The following ADCK2 variants were observed in gnomAD, a reference collection of about 807,000 sequenced individuals.
The protein encoded by ADCK2 is aarF domain containing kinase 2.
A neutral mutation model predicts 52.3 loss-of-function variants in ADCK2; 37 were observed. The ratio of observed to expected loss-of-function variants is 0.71; its 90% CI spans 0.54 to 0.93. The LOEUF (loss-of-function observed/expected upper bound fraction) is 0.93, where lower values mean the gene tolerates loss of function less well. ADCK2 is among the 40% of genes least tolerant of loss of function. The pLI is 0.00. For synonymous variants in ADCK2, 321 were observed against 349.2 expected (o/e 0.92, Z 0.90); for missense variants, 695 against 798.7 (o/e 0.87, Z 1.56).
intron 2 of ADCK2, among the ~76,000 whole-genome samples, chr7:140,676,963 C>T (rs1323407455): frequency 1.3e-5 from 2 of 152,014 alleles, no homozygotes; most frequent in Admixed American, 1.3e-4. Context: ...GCAGAGTTTA[C>T]AGTGAACCAT....
rs190000977 is a variant in ADCK2 at position 140,691,678 on chromosome 7, A to T, written c.1740+865A>T. Among the ~76,000 whole-genome samples the T allele has an allele frequency of 3.6e-4, 55 of 152,358 alleles. 1 individual carries two copies. In the East Asian group the frequency reaches 9.8e-3, roughly 27 times the overall value. ...TAAACTAAGGCTGCTGGCCAGGGAC[A>T]AGCAGTGTTGAAGGTGGAGAAGGGA... On this transcript the variant is annotated intron_variant, in intron 7 of 7. Coordinates refer to ENST00000072869, the MANE Select transcript of ADCK2 (RefSeq NM_052853.4).
chr7:140,679,662 C>CTTTTTTTTTTT (rs57302302), intron 3 of ADCK2, among the ~76,000 whole-genome samples: 1 of 75,314 alleles, frequency 1.3e-5, no homozygotes, highest in African/African-American at 4.6e-5. Flanking sequence ...CCTTCTCTCT[C>CTTTTTTTTTTT]TTTTTTTTTT....
chr7:140,691,466 TC>T (rs1160099371), intron 7 of ADCK2, among the ~76,000 whole-genome samples: 1 of 152,194 alleles, frequency 6.6e-6, no homozygotes, highest in Non-Finnish European at 1.5e-5. Flanking sequence ...TGGAATGAAG[TC>T]CTGGGGTCCA....
intron 7 of ADCK2, among the ~76,000 whole-genome samples, chr7:140,692,162 G>A (rs1218104212): frequency 6.6e-6 from 1 of 152,202 alleles, no homozygotes; most frequent in African/African-American, 2.4e-5. Context: ...TGGCAGAGCT[G>A]AAACTCTACA....
Position 140,673,244 on chromosome 7 carries a change from G to T in ADCK2, c.-87G>T. The T allele has an allele frequency of 8.2e-7, 1 of 1,219,362 alleles. No individual in the cohort carries two copies. Among genetic ancestry groups the T allele is most frequent in the South Asian group, 1.9e-5 (1 of 52,808 alleles). The allele number at this position is 1,219,362 out of a possible 1,614,324, so 75.5% of individuals were successfully genotyped here. On this transcript the variant is annotated 5_prime_UTR_variant, in exon 1 of 8. Coordinates refer to ENST00000072869, the MANE Select transcript of ADCK2 (RefSeq NM_052853.4). The surrounding 1 kb of genome is among the most constrained non-coding windows in gnomAD (Gnocchi z 6.4). Reference sequence around the variant, plus strand: ...TGGGCAGCTCCGTCCGCGGGGTCAGGGCCGGGCTTCGGCTTCACCGCAGCC... The same window carrying T: ...TGGGCAGCTCCGTCCGCGGGGTCAGTGCCGGGCTTCGGCTTCACCGCAGCC...
At chr7:140,685,615 T>TC (rs1794591913) in intron 4 of ADCK2, among the ~76,000 whole-genome samples, 1 of 152,092 alleles carries the variant, frequency 6.6e-6, no homozygotes, top group South Asian at 2.1e-4. Flanking sequence ...GCTTCCCTTA[T>TC]CCCTACCAAA....
At position 140,690,802 on chromosome 7, in the gene ADCK2, A is replaced by G; in HGVS notation, c.1729A>G (p.Met577Val). ...TCTCTCTAGTGTCTTTAAGTTGCTGATGACTCACAAGGTGAGGGCCATTCA... is the reference window on the plus strand; with the variant it reads ...TCTCTCTAGTGTCTTTAAGTTGCTGGTGACTCACAAGGTGAGGGCCATTCA... ...SLLSSVFKLL[M>V]THKVKLESNF... Residue 577 changes from methionine to valine, a missense_variant, in exon 7 of 8, where the codon ATG (methionine) becomes GTG (valine). Met to Val is a conservative substitution (Grantham distance 21, BLOSUM62 1). Transcript: ENST00000072869. 6.2e-7 allele frequency: 1 copy of G among 1,613,486 alleles called. No homozygotes were observed. Among genetic ancestry groups the G allele is most frequent in the Middle Eastern group, 1.7e-4 (1 of 6,056 alleles).
chr7:140,674,735 T>G lies in ADCK2; in HGVS notation c.1058T>G (p.Phe353Cys), dbSNP rs770327818. Residue 353 changes from phenylalanine (F) to cysteine (C), a missense_variant, in exon 2 of 8, where the codon TTT becomes TGT. Phe to Cys is a radical substitution (Grantham distance 205, BLOSUM62 -2). Coordinates refer to ENST00000072869, the MANE Select transcript of ADCK2 (RefSeq NM_052853.4). This position sits in a 1 kb window ranked among gnomAD's most constrained non-coding sequence, Gnocchi z 4.6. ...WLSLPEIVEE[F>C]EKLMVQQIDL... ...AGCTTGCCTGAGATTGTGGAGGAAT[T>G]TGAGAAGCTGATGGTCCAACAGGTG... The G allele has an allele frequency of 1.2e-6, 2 of 1,614,054 alleles. No homozygotes were observed. The highest frequency in any genetic ancestry group is 1.7e-6 in the Non-Finnish European group (2 of 1,179,950).
At chr7:140,677,214 C>T (rs542807557) in intron 2 of ADCK2, among the ~76,000 whole-genome samples, 1 of 152,216 alleles carries the variant, frequency 6.6e-6, no homozygotes, top group Non-Finnish European at 1.5e-5. Context: ...TCAAGACCAG[C>T]CTGGCCAACA....
intron 6 of ADCK2, among the ~76,000 whole-genome samples, chr7:140,690,359 C>T (rs183877350): frequency 9.8e-4 from 149 of 152,242 alleles, no homozygotes; most frequent in African/African-American, 3.4e-3. Context: ...CCCGCCACCA[C>T]ACCCGGCTAA....
Position 140,693,142 on chromosome 7 carries a change from T to C in ADCK2, c.1741-1521T>C, listed in dbSNP as rs897766841. Among the ~76,000 whole-genome samples the C allele has an allele frequency of 2.0e-5, 3 of 152,228 alleles. No homozygotes were observed. The highest frequency in any genetic ancestry group is 6.5e-5 in the Admixed American group (1 of 15,274). On this transcript the variant is annotated intron_variant, in intron 7 of 7. Coordinates refer to ENST00000072869, the MANE Select transcript of ADCK2 (RefSeq NM_052853.4). This position sits in a 1 kb window ranked among gnomAD's most constrained non-coding sequence, Gnocchi z 4.0. ...TAATATATCTTCCTTAGAAGAAATA[T>C]CTATTCAGGTAGCACTTAATTTTTT... is the stretch of plus-strand genomic sequence containing the variant.
chr7:140,678,015 A>T lies in ADCK2; in HGVS notation c.1081-1140A>T, dbSNP rs1049929801. ...TGGACAGAGAAGTAGGGGCCAAATC[A>T]TGACCCACCTGGATGCCATTCTAAG... On this transcript the variant is annotated intron_variant, in intron 2 of 7. Transcript: ENST00000072869. This position sits in a 1 kb window ranked among gnomAD's most constrained non-coding sequence, Gnocchi z 4.9. Among the ~76,000 whole-genome samples the T allele has an allele frequency of 2.6e-5, 4 of 152,170 alleles. No individual in the cohort carries two copies. Among genetic ancestry groups the T allele is most frequent in the Non-Finnish European group, 4.4e-5 (3 of 68,030 alleles).
intron 3 of ADCK2, 91 bp downstream of exon 3, chr7:140,679,374 G>A (rs1794477320): frequency 6.5e-7 from 1 of 1,542,166 alleles, no homozygotes; most frequent in African/African-American, 1.4e-5. Context: ...AGTCTGGAGA[G>A]AGGATGGGAT....
intron 4 of ADCK2, among the ~76,000 whole-genome samples, chr7:140,684,520 C>T (rs577148024): frequency 1.3e-5 from 2 of 152,120 alleles, no homozygotes; most frequent in Admixed American, 6.5e-5. Flanking sequence ...GGGGTCGAGG[C>T]GGATAGGGAA....
In ADCK2 at chr7:140,673,999, C is replaced by T. The variant is rs751016184; in HGVS notation, c.669C>T (p.Phe223=). Residue 223 remains phenylalanine, a synonymous_variant, in exon 1 of 8, where the codon TTC becomes TTT. Coordinates refer to ENST00000072869, the MANE Select transcript of ADCK2 (RefSeq NM_052853.4). The surrounding 1 kb of genome is among the most constrained non-coding windows in gnomAD (Gnocchi z 6.4). The stretch of plus-strand genomic sequence containing the variant: ...ACAAAGCATACGCCAACACTGCCTT[C>T]CTGGAGACTGACAGCGTCCAGAGAC... ...QVYKAYANTA[F]LETDSVQRLG... 6.8e-6 allele frequency: 11 copies of T among 1,614,114 alleles called. No homozygotes were observed. In the South Asian group the frequency reaches 8.8e-5, roughly 13 times the overall value.
rs1794616706 is a variant in ADCK2 at position 140,687,087 on chromosome 7, A to G, written c.1403A>G (p.Gln468Arg). 1.2e-6 allele frequency: 2 copies of G among 1,613,912 alleles called. No individual in the cohort carries two copies. Among genetic ancestry groups the G allele is most frequent in the Admixed American group, 1.7e-5 (1 of 60,008 alleles). The part of the protein sequence containing the change: ...GLSSSQEAQL[Q>R]QADICDTLVV... ...TCCTCGAGTCAGGAGGCGCAGCTGC[A>G]GCAGGCGGACATCTGTGACACTCTG... Residue 468 changes from glutamine (Q) to arginine (R), a missense_variant, in exon 5 of 8, where the codon CAG (glutamine) becomes CGG (arginine). Gln to Arg is a conservative substitution (Grantham distance 43). Coordinates refer to ENST00000072869, the MANE Select transcript of ADCK2 (RefSeq NM_052853.4).
At chr7:140,692,688 C>T (rs1336711545) in intron 7 of ADCK2, among the ~76,000 whole-genome samples, 3 of 152,218 alleles carry the variant, frequency 2.0e-5, no homozygotes, top group Non-Finnish European at 4.4e-5. Context: ...TTGATGTTCA[C>T]GTGGGTTGCT....
chr7:140,673,280 G>T lies in ADCK2; in HGVS notation c.-51G>T, dbSNP rs1269780757. 4.3e-5 allele frequency: 60 copies of T among 1,384,664 alleles called. 1 individual carries two copies. Among genetic ancestry groups the T allele is most frequent in the Non-Finnish European group, 5.1e-5 (54 of 1,065,646 alleles). 85.8% of individuals were successfully genotyped at this position (1,384,664 alleles called of 1,614,324 possible). On this transcript the variant is annotated 5_prime_UTR_variant, in exon 1 of 8. Coordinates refer to ENST00000072869, the MANE Select transcript of ADCK2 (RefSeq NM_052853.4). This position sits in a 1 kb window ranked among gnomAD's most constrained non-coding sequence, Gnocchi z 6.4. ...GGCTTCACCGCAGCCTCGCCTGAGC[G>T]GGCGCCTCTGAAGTGGAGGGCGGGC...
intron 5 of ADCK2, among the ~76,000 whole-genome samples, chr7:140,688,720 G>A (rs1409897506): frequency 6.6e-6 from 1 of 152,184 alleles, no homozygotes; most frequent in Non-Finnish European, 1.5e-5. Flanking sequence ...CTCTAAGTGG[G>A]GCACAGCATG....
Sources: allele counts gnomAD v4.1 joint callset (sites outside exome capture counted in the v4.1 genomes callset), GRCh38; gene constraint gnomAD v4.1.1; non-coding constraint Gnocchi (gnomAD v3.1); transcripts MANE v1.5; gene names NCBI Gene and HGNC (gene_info 2026-07-23, HGNC 2026-07-21).